Variants in EXOC5 observed in about 807,000 individuals in gnomAD.
EXOC5 encodes SEC10-like 1.
Under a neutral mutation model 90.8 loss-of-function variants are expected in EXOC5, and 17 were observed. That is an observed-to-expected ratio of 0.19 (90% confidence interval 0.13 to 0.28). The LOEUF (loss-of-function observed/expected upper bound fraction) is 0.28. EXOC5 is among the 10% of genes least tolerant of loss of function. The pLI is 1.00. For synonymous variants in EXOC5, 260 were observed against 270.0 expected (o/e 0.96, Z 0.36); for missense variants, 569 against 830.6 (o/e 0.69, Z 3.87).
intron 12 of EXOC5, 73 bp from the exon 13 acceptor site, chr14:57,222,489 C>T: frequency 1.3e-6 from 1 of 766,366 alleles, no homozygotes. Flanking sequence ...TTTAAGCAAT[C>T]AATTTTTTAT....
At chr14:57,260,952 G>A (rs2095800148) in intron 1 of EXOC5, among the ~76,000 whole-genome samples, 1 of 152,060 alleles carries the variant, frequency 6.6e-6, no homozygotes. Context: ...GCATTTAATA[G>A]ACACCTTGGA....
chr14:57,265,523 G>C (rs751414787), intron 1 of EXOC5, among the ~76,000 whole-genome samples: 1 of 152,162 alleles, frequency 6.6e-6, no homozygotes, highest in Non-Finnish European at 1.5e-5. Context: ...AGGAGATCAA[G>C]ACCAGCCTGG....
intron 12 of EXOC5, among the ~76,000 whole-genome samples, chr14:57,226,893 C>T (rs1883323949): frequency 6.6e-6 from 1 of 152,116 alleles, no homozygotes; most frequent in Admixed American, 6.5e-5. Context: ...AGGAGGAAAA[C>T]TTTGTAACCT....
chr14:57,268,768 G>A lies in EXOC5; in HGVS notation c.-120C>T. The A allele has an allele frequency of 6.9e-7, 1 of 1,458,128 alleles. No homozygotes were observed. 90.3% of individuals were successfully genotyped at this position (1,458,128 alleles called of 1,614,324 possible). On this transcript the variant is annotated 5_prime_UTR_variant, in exon 1 of 18. Transcript: ENST00000621441. The stretch of plus-strand genomic sequence containing the variant: ...GCCAGCTCCGGCTCCGGGCCGCTGC[G>A]GGCTCCCCAGCTCCCCACAGATCCC...
At chr14:57,210,126 T>C in intron 15 of EXOC5, 65 bp from the exon 16 acceptor site, 1 of 698,140 alleles carries the variant, frequency 1.4e-6, no homozygotes, top group Non-Finnish European at 2.5e-6. Context: ...TGTTTAATTA[T>C]ATTATTTATG....
chr14:57,238,409 C>CACAT (rs1246317861), intron 5 of EXOC5, among the ~76,000 whole-genome samples: 7 of 146,770 alleles, frequency 4.8e-5, no homozygotes, highest in Non-Finnish European at 7.5e-5. Flanking sequence ...CACACACACA[C>CACAT]ATATTCATAT....
Position 57,208,751 on chromosome 14 carries a change from T to C in EXOC5, c.1985A>G (p.Asn662Ser). ...ATTATCTGGGGCAACTACCAGAAGA[T>C]TGCAAAGAGCATGCAGAGTATCAAA... ...HLFDTLHALC[N>S]LLVVAPDNLK... is the part of the protein sequence containing the mutation. Residue 662 changes from asparagine to serine, a missense_variant, in exon 18 of 18, where the codon AAT becomes AGT. Asn to Ser is a conservative substitution (Grantham distance 46). Transcript: ENST00000621441. 2 of 1,611,650 alleles carry C rather than the reference T, an allele frequency of 1.2e-6. No individual in the cohort carries two copies. Among genetic ancestry groups the C allele is most frequent in the Non-Finnish European group, 1.7e-6 (2 of 1,178,106 alleles).
rs1374698101 is a variant in EXOC5 at position 57,229,819 on chromosome 14, T to A, written c.1211A>T (p.Asp404Val). ...RTNLPLGPSI[D>V]THGETFLSQE... The stretch of plus-strand genomic sequence containing the variant: ...GGATAGAAAAGTCTCCCCATGAGTA[T>A]CGATACTTGGCCCAAGTGGTAAGTT... Residue 404 changes from aspartate (D) to valine (V), a missense_variant, in exon 12 of 18, where the codon GAT becomes GTT. Asp to Val is a radical substitution (Grantham distance 152). Coordinates refer to ENST00000621441, the MANE Select transcript of EXOC5 (RefSeq NM_006544.4). 6 of 1,530,032 alleles carry A rather than the reference T, an allele frequency of 3.9e-6. No homozygotes were observed. Among genetic ancestry groups the A allele is most frequent in the Non-Finnish European group, 5.3e-6 (6 of 1,132,150 alleles). The allele number at this position is 1,530,032 out of a possible 1,614,324, so 94.8% of individuals were successfully genotyped here.
chr14:57,243,999 A>T (rs1883957204), intron 4 of EXOC5, 166 bp downstream of exon 4: 1 of 553,616 alleles, frequency 1.8e-6, no homozygotes, highest in South Asian at 2.6e-5. Context: ...CTTCATCAGC[A>T]ATCTACAAGA....
At chr14:57,238,223 T>TACAC (rs61373267) in intron 5 of EXOC5, among the ~76,000 whole-genome samples, 95 of 125,136 alleles carry the variant, frequency 7.6e-4, no homozygotes, top group African/African-American at 1.9e-3. Context: ...CACATATATA[T>TACAC]ACACACACAC....
intron 1 of EXOC5, among the ~76,000 whole-genome samples, chr14:57,264,587 C>CT: frequency 6.6e-6 from 1 of 152,202 alleles, no homozygotes; most frequent in Non-Finnish European, 1.5e-5. Flanking sequence ...CACTCTTCCT[C>CT]TTTATGTGTG....
intron 1 of EXOC5, among the ~76,000 whole-genome samples, chr14:57,263,548 A>G (rs1404527074): frequency 6.6e-6 from 1 of 151,668 alleles, no homozygotes; most frequent in East Asian, 1.9e-4. Context: ...CAGGTCGATC[A>G]TGAGGTCAGG....
chr14:57,233,686 G>A lies in EXOC5; in HGVS notation c.855+57C>T, dbSNP rs763715389. The A allele has an allele frequency of 9.4e-6, 10 of 1,062,900 alleles. No homozygotes were observed. The Middle Eastern group carries it at 9.1e-4, about 97-fold the overall frequency. The allele number at this position is 1,062,900 out of a possible 1,614,324, so 65.8% of individuals were successfully genotyped here. ...ATTTTAAAAATACTTTTAAAATATAGGGAAAAAATTACATATTGCTTTAAG... is the reference window on the plus strand; with the variant it reads ...ATTTTAAAAATACTTTTAAAATATAAGGAAAAAATTACATATTGCTTTAAG... On this transcript the variant is annotated intron_variant, in intron 9 of 17. Transcript: ENST00000621441.
chr14:57,263,239 G>C (rs1418719029), intron 1 of EXOC5, among the ~76,000 whole-genome samples: 1 of 152,142 alleles, frequency 6.6e-6, no homozygotes, highest in Non-Finnish European at 1.5e-5. Context: ...GGAGGCCCTA[G>C]GTGGGAGGAC....
intron 3 of EXOC5, among the ~76,000 whole-genome samples, chr14:57,245,655 TA>T (rs1159654097): frequency 6.6e-6 from 1 of 152,154 alleles, no homozygotes; most frequent in South Asian, 2.1e-4. Flanking sequence ...AAAAGGAATC[TA>T]AAAAATTGAA....
At chr14:57,222,949 T>C (rs977428252) in intron 12 of EXOC5, among the ~76,000 whole-genome samples, 1 of 151,904 alleles carries the variant, frequency 6.6e-6, no homozygotes, top group Non-Finnish European at 1.5e-5. Flanking sequence ...GGAGTAAAGA[T>C]GGAGAAATTA....
At chr14:57,258,711 T>C (rs145686244) in intron 1 of EXOC5, among the ~76,000 whole-genome samples, 5 of 152,338 alleles carry the variant, frequency 3.3e-5, no homozygotes, top group African/African-American at 1.2e-4. Context: ...TCATTTCTAC[T>C]GAAAAATCTC....
intron 1 of EXOC5, among the ~76,000 whole-genome samples, chr14:57,267,345 T>C (rs1447576859): frequency 6.6e-6 from 1 of 152,178 alleles, no homozygotes. Context: ...CAATAACATA[T>C]ATTACTCCTC....
At chr14:57,238,361 TATATATATATATATACAC>T (rs1215018820) in intron 5 of EXOC5, among the ~76,000 whole-genome samples, 1 of 71,528 alleles carries the variant, frequency 1.4e-5, no homozygotes, top group Non-Finnish European at 2.9e-5. Flanking sequence ...TATATATATA[TATATATATATATATACAC>T]ACACACACAC....
Sources: allele counts gnomAD v4.1 joint callset (sites outside exome capture counted in the v4.1 genomes callset), GRCh38; gene constraint gnomAD v4.1.1; transcripts MANE v1.5; gene names NCBI Gene and HGNC (gene_info 2026-07-23, HGNC 2026-07-21).